CDC42SE2: variants seen among roughly 807,000 people sequenced by gnomAD.
The protein encoded by CDC42SE2 is CDC42 small effector 2, also known as CDC42 small effector protein 2.
A neutral mutation model predicts 11.5 loss-of-function variants in CDC42SE2; 3 were observed. The observed-to-expected ratio is 0.26, with a 90% confidence interval of 0.12 to 0.67. The LOEUF is 0.67. Ranked by LOEUF, CDC42SE2 falls within the 30% of genes least tolerant of loss-of-function variation. The pLI, the probability that CDC42SE2 is intolerant of heterozygous loss-of-function variation, is 0.80. For synonymous variants in CDC42SE2, 33 were observed against 34.8 expected (o/e 0.95, Z 0.18); for missense variants, 82 against 106.8 (o/e 0.77, Z 1.02).
intron 1 of CDC42SE2, among the ~76,000 whole-genome samples, chr5:131,314,630 C>A (rs1758002983): frequency 1.3e-5 from 2 of 152,130 alleles, no homozygotes; most frequent in African/African-American, 4.8e-5. Context: ...CTGCAACCTT[C>A]CTAGACTTAT....
Position 131,329,879 on chromosome 5 carries a change from C to CAAAAAAAAAAAAAAAAAAAA in CDC42SE2, c.-286+13759_-286+13778dup. On this transcript the variant is annotated intron_variant, in intron 2 of 4. Transcript: ENST00000505065. ...GGGCAACAAGAGTGAAACTCCATCTCAAAAAAAAAAAAAAAAAAAAAAAAA... is the reference window on the plus strand; with the variant it reads ...GGGCAACAAGAGTGAAACTCCATCTCAAAAAAAAAAAAAAAAAAAAAAAAAAAAAAAAAAAAAAAAAAAAA... Among the ~76,000 whole-genome samples the CAAAAAAAAAAAAAAAAAAAA allele has an allele frequency of 5.3e-4, 30 of 56,624 alleles. 7 individuals are homozygous for CAAAAAAAAAAAAAAAAAAAA. Among genetic ancestry groups the CAAAAAAAAAAAAAAAAAAAA allele is most frequent in the Non-Finnish European group, 8.3e-4 (21 of 25,238 alleles). The allele number at this position is 56,624 out of a possible 152,430, so 37.1% of individuals were successfully genotyped here. A position where few individuals can be genotyped will look rare whatever the true frequency, so the allele number is the denominator to read the frequency against.
rs528498945 is a variant in CDC42SE2, at chr5:131,375,467, C to A, written c.55-10076C>A. Among the ~76,000 whole-genome samples the A allele has an allele frequency of 2.6e-5, 4 of 152,190 alleles. No individual in the cohort carries two copies. The East Asian group carries it at 7.7e-4, about 29-fold the overall frequency. Reference sequence around the variant, plus strand: ...TTTCTGTACTTTGACTTAGATAATTCTCTGCTTATAATACTAGCTGGTTTT... The same window carrying A: ...TTTCTGTACTTTGACTTAGATAATTATCTGCTTATAATACTAGCTGGTTTT... On this transcript the variant is annotated intron_variant, in intron 3 of 4. Transcript: ENST00000505065.
chr5:131,357,556 A>G (rs1024970359), intron 2 of CDC42SE2, among the ~76,000 whole-genome samples: 6 of 152,358 alleles, frequency 3.9e-5, no homozygotes, highest in Middle Eastern at 3.4e-3. Context: ...TTACTGATCT[A>G]TAGTTGGCAA....
the CDC42SE2 span, among the ~76,000 whole-genome samples, chr5:131,235,292 A>ATTT: frequency 7.2e-6 from 1 of 138,888 alleles, no homozygotes. Context: ...ACATCCAGAC[A>ATTT]TTTTTTTTTT....
Position 131,393,815 on chromosome 5 carries a change from CTGTTT to C in CDC42SE2, c.*2726_*2730del, listed in dbSNP as rs1750750674. 1 of 142,612 alleles carries C rather than the reference CTGTTT, an allele frequency of 7.0e-6. No individual in the cohort carries two copies. Among genetic ancestry groups the C allele is most frequent in the South Asian group, 2.2e-4 (1 of 4,598 alleles). The allele number at this position is 142,612 out of a possible 1,614,324, so 8.8% of individuals were successfully genotyped here. On this transcript the variant is annotated 3_prime_UTR_variant, in exon 5 of 5. Transcript: ENST00000505065. ...ATGATTTTAGTCTTTTTCCAAATCG[CTGTTT>C]TTTTTTTTTTTTTTTTTTTTTTTGC...
At chr5:131,275,087 TA>T (rs1346803805) in intron 1 of CDC42SE2, among the ~76,000 whole-genome samples, 2 of 152,018 alleles carry the variant, frequency 1.3e-5, no homozygotes, top group African/African-American at 4.8e-5. Context: ...AAATACACAG[TA>T]AAATGGTAAG....
chr5:131,391,810 GTTT>G lies in CDC42SE2; in HGVS notation c.*726_*728del, dbSNP rs146246139. ...CCTGAAAATGTAGAAATAATTTCAAGTTTTTTTTTGTTTTATAGGGTTATTGTG... is the reference window on the plus strand; with the variant it reads ...CCTGAAAATGTAGAAATAATTTCAAGTTTTTTGTTTTATAGGGTTATTGTG... On this transcript the variant is annotated 3_prime_UTR_variant, in exon 5 of 5. Transcript: ENST00000505065. The G allele has an allele frequency of 6.6e-6, 1 of 151,628 alleles. No individual in the cohort carries two copies. Among genetic ancestry groups the G allele is most frequent in the African/African-American group, 2.4e-5 (1 of 41,256 alleles). The allele number at this position is 151,628 out of a possible 1,614,324, so 9.4% of individuals were successfully genotyped here.
At chr5:131,317,104 A>G (rs1378656647) in intron 2 of CDC42SE2, among the ~76,000 whole-genome samples, 1 of 151,998 alleles carries the variant, frequency 6.6e-6, no homozygotes, top group Non-Finnish European at 1.5e-5. Context: ...TAATAATTAC[A>G]GAGATTTTTT....
intron 2 of CDC42SE2, among the ~76,000 whole-genome samples, chr5:131,355,867 T>C (rs1310592678): frequency 1.3e-5 from 2 of 152,158 alleles, no homozygotes; most frequent in African/African-American, 4.8e-5. Context: ...TTCATGCAGG[T>C]AGGAGGCTGG....
chr5:131,359,459 C>A lies in CDC42SE2; in HGVS notation c.-35C>A. 1.9e-6 allele frequency: 3 copies of A among 1,569,114 alleles called. No homozygotes were observed. Among genetic ancestry groups the A allele is most frequent in the Non-Finnish European group, 2.6e-6 (3 of 1,139,212 alleles). On this transcript the variant is annotated 5_prime_UTR_variant, in exon 3 of 5. Coordinates refer to ENST00000505065, the MANE Select transcript of CDC42SE2 (RefSeq NM_001375635.1). ...GAACTTCCCGAGTTGAGATTTGGAA[C>A]CTTCATTGGTGCTCATTTACTGTGG... is the stretch of plus-strand genomic sequence containing the variant.
chr5:131,217,424 TAAA>T, the CDC42SE2 span, among the ~76,000 whole-genome samples: 1 of 152,238 alleles, frequency 6.6e-6, no homozygotes, highest in African/African-American at 2.4e-5. Context: ...ATTCTGCTTT[TAAA>T]GGCTTATGTT....
At chr5:131,266,358 G>C (rs1371006496) in intron 1 of CDC42SE2, among the ~76,000 whole-genome samples, 1 of 151,298 alleles carries the variant, frequency 6.6e-6, no homozygotes, top group African/African-American at 2.4e-5. Flanking sequence ...GGGCTGTTTT[G>C]ACTGTTAATG....
At chr5:131,303,301 T>G (rs889709760) in intron 1 of CDC42SE2, among the ~76,000 whole-genome samples, 2 of 152,196 alleles carry the variant, frequency 1.3e-5, no homozygotes, top group Non-Finnish European at 2.9e-5. Flanking sequence ...AGAAAGGAAT[T>G]GGTATTTGAC....
At chr5:131,278,718 TCCC>T (rs1333170511) in intron 1 of CDC42SE2, among the ~76,000 whole-genome samples, 10 of 32,878 alleles carry the variant, frequency 3.0e-4, no homozygotes, top group African/African-American at 4.2e-4. Context: ...TCCTCTCCCC[TCCC>T]CTCCCCCCTC....
chr5:131,255,760 A>AG (rs2149684645), intron 2 of CDC42SE2, among the ~76,000 whole-genome samples: 1 of 152,318 alleles, frequency 6.6e-6, no homozygotes, highest in East Asian at 1.9e-4. Context: ...ACTCCGTCTC[A>AG]GAAAAAAAAA....
intron 3 of CDC42SE2, among the ~76,000 whole-genome samples, chr5:131,363,726 C>T (rs1205820873): frequency 2.5e-5 from 3 of 119,160 alleles, no homozygotes; most frequent in South Asian, 2.9e-4. Context: ...GAAGGAGTCT[C>T]GCTGTGTCTC....
chr5:131,362,713 T>TA (rs1160801436), intron 3 of CDC42SE2, among the ~76,000 whole-genome samples: 1 of 152,194 alleles, frequency 6.6e-6, no homozygotes, highest in East Asian at 1.9e-4. Flanking sequence ...CAATGCAGGG[T>TA]ATAATAGAGC....
chr5:131,288,778 A>T (rs2149707618), intron 1 of CDC42SE2, among the ~76,000 whole-genome samples: 1 of 152,292 alleles, frequency 6.6e-6, no homozygotes, highest in South Asian at 2.1e-4. Context: ...ATACCTACTG[A>T]CTACTTTGGC....
intron 2 of CDC42SE2, among the ~76,000 whole-genome samples, chr5:131,324,812 A>G (rs1758263790): frequency 6.6e-6 from 1 of 152,206 alleles, no homozygotes; most frequent in African/African-American, 2.4e-5. Flanking sequence ...AATTATATCC[A>G]AAATGTAATT....
Sources: allele counts gnomAD v4.1 joint callset (sites outside exome capture counted in the v4.1 genomes callset), GRCh38; gene constraint gnomAD v4.1.1; transcripts MANE v1.5; gene names NCBI Gene and HGNC (gene_info 2026-07-23, HGNC 2026-07-21).